Variants in PTPRN2 observed in about 807,000 individuals in gnomAD.
PTPRN2 encodes protein tyrosine phosphatase receptor type N2, also known as receptor-type tyrosine-protein phosphatase N2.
PTPRN2 carries 74 observed loss-of-function variants against 118.8 expected under a neutral mutation model. The ratio of observed to expected loss-of-function variants is 0.62; its 90% CI spans 0.52 to 0.76. The LOEUF is 0.76. Ranked by LOEUF, PTPRN2 falls within the 30% of genes least tolerant of loss-of-function variation. The pLI, the probability that PTPRN2 is intolerant of heterozygous loss-of-function variation, is 0.00. For missense variants in PTPRN2, 1,481 were observed against 1,394.4 expected (o/e 1.06, Z -0.99); for synonymous variants, 641 against 608.0 (o/e 1.05, Z -0.80).
rs1462746372 is a variant in PTPRN2 at position 158,235,945 on chromosome 7, G to A, written c.278-30672C>T. ...CCTCCACAACAAGCAGGAAGCAGCC[G>A]GTGTGACCACACCTCCCAAAACCAC... On this transcript the variant is annotated intron_variant, in intron 3 of 22. Transcript: ENST00000389418. 3.9e-5 allele frequency among the ~76,000 whole-genome samples: 6 copies of A among 152,096 alleles called. No homozygotes were observed. The South Asian group carries it at 8.3e-4, about 21-fold the overall frequency.
chr7:157,953,742 G>A lies in PTPRN2; in HGVS notation c.1724-55005C>T, dbSNP rs1032437410. Among the ~76,000 whole-genome samples the A allele has an allele frequency of 6.6e-6, 1 of 152,170 alleles. No homozygotes were observed. Among genetic ancestry groups the A allele is most frequent in the African/African-American group, 2.4e-5 (1 of 41,434 alleles). On this transcript the variant is annotated intron_variant, in intron 11 of 22. Coordinates refer to ENST00000389418, the MANE Select transcript of PTPRN2 (RefSeq NM_002847.5). This position sits in a 1 kb window ranked among gnomAD's most constrained non-coding sequence, Gnocchi z 4.6. ...TGAGGACTCAGACCCGGGGCAGCTG[G>A]TGGAAGCTGGGGTTAAGAGTGGAAT...
chr7:158,327,209 TCAAA>T (rs1318511687), intron 2 of PTPRN2, among the ~76,000 whole-genome samples: 41 of 148,454 alleles, frequency 2.8e-4, no homozygotes, highest in East Asian at 1.0e-3. Context: ...GCACACATTC[TCAAA>T]CACACACGTA....
chr7:158,070,735 G>T (rs1273067619), intron 11 of PTPRN2, among the ~76,000 whole-genome samples: 1 of 116,206 alleles, frequency 8.6e-6, no homozygotes, highest in Non-Finnish European at 1.7e-5. Context: ...GGAGGTGCCC[G>T]TGGTGGTGGA....
intron 20 of PTPRN2, among the ~76,000 whole-genome samples, chr7:157,570,385 C>T (rs903569629): frequency 6.6e-6 from 1 of 152,248 alleles, no homozygotes; most frequent in South Asian, 2.1e-4. Flanking sequence ...CTATTTTCAT[C>T]CTCCTCTCTC....
intron 14 of PTPRN2, among the ~76,000 whole-genome samples, chr7:157,630,043 G>A (rs1199241253): frequency 2.0e-5 from 3 of 152,160 alleles, no homozygotes; most frequent in Non-Finnish European, 4.4e-5. Flanking sequence ...AAATATTCAT[G>A]TTAAATTTTT....
At chr7:157,978,697 G>T (rs972099952) in intron 11 of PTPRN2, among the ~76,000 whole-genome samples, 2 of 151,896 alleles carry the variant, frequency 1.3e-5, no homozygotes, top group Non-Finnish European at 2.9e-5. Flanking sequence ...CTGAACAAGA[G>T]TCCTCAGCTC....
intron 9 of PTPRN2, among the ~76,000 whole-genome samples, chr7:158,111,184 G>C (rs1398829295): frequency 6.6e-6 from 1 of 152,238 alleles, no homozygotes; most frequent in African/African-American, 2.4e-5. Context: ...ATACAATAAA[G>C]GGGAGAAGGG....
chr7:157,842,134 C>G (rs1327930565), intron 12 of PTPRN2, among the ~76,000 whole-genome samples: 1 of 152,144 alleles, frequency 6.6e-6, no homozygotes, highest in Non-Finnish European at 1.5e-5. Flanking sequence ...GGTCCCCAAC[C>G]CATACACAAC....
At chr7:158,460,474 C>A (rs113094552) in intron 2 of PTPRN2, among the ~76,000 whole-genome samples, 1 of 127,532 alleles carries the variant, frequency 7.8e-6, no homozygotes, top group Non-Finnish European at 1.7e-5. Context: ...TGTGCCAAGA[C>A]CACAGGAGGG....
rs1157923544 is a variant in PTPRN2 at position 157,656,432 on chromosome 7, T to G, written c.2121A>C (p.Ala707=). 5 of 1,554,002 alleles carry G rather than the reference T, an allele frequency of 3.2e-6. No homozygotes were observed. Among genetic ancestry groups the G allele is most frequent in the Non-Finnish European group, 4.4e-6 (5 of 1,148,966 alleles). The part of the protein sequence containing the change: ...FSDGPIPSPS[A]RSSASSWSEE... ...CGGACCAGGATGAGGCGCTGCTGCG[T>G]GCGGAGGGGCTGGGGATCGGCCCGT... Residue 707 remains alanine, a synonymous_variant, in exon 14 of 23, where the codon GCA becomes GCC. Coordinates refer to ENST00000389418, the MANE Select transcript of PTPRN2 (RefSeq NM_002847.5).
At chr7:157,937,943 G>A (rs556144969) in intron 11 of PTPRN2, among the ~76,000 whole-genome samples, 1 of 143,014 alleles carries the variant, frequency 7.0e-6, no homozygotes, top group South Asian at 2.2e-4. Context: ...CTCTCTCTCT[G>A]TTGTTTTATT....
At chr7:157,571,291 G>T in intron 20 of PTPRN2, 149 bp downstream of exon 20, 3 of 518,828 alleles carry the variant, frequency 5.8e-6, no homozygotes, top group Non-Finnish European at 1.0e-5. Flanking sequence ...AAATGGCATA[G>T]AAAAGTAAGT....
At chr7:158,532,596 T>G in intron 1 of PTPRN2, 1 of 424,854 alleles carries the variant, frequency 2.4e-6, no homozygotes, top group African/African-American at 2.2e-5. Context: ...GGAAAAAACA[T>G]GGGTAAAAAG....
intron 11 of PTPRN2, among the ~76,000 whole-genome samples, chr7:158,039,737 C>G (rs1201838544): frequency 6.6e-6 from 1 of 152,020 alleles, no homozygotes; most frequent in African/African-American, 2.4e-5. Context: ...AAATTACAAG[C>G]CATGCTAAAA....
intron 11 of PTPRN2, among the ~76,000 whole-genome samples, chr7:157,994,060 G>C (rs150638976): frequency 6.6e-6 from 1 of 152,344 alleles, no homozygotes; most frequent in East Asian, 1.9e-4. Flanking sequence ...TCAGTGACCA[G>C]TGTGTTGGGT....
intron 11 of PTPRN2, among the ~76,000 whole-genome samples, chr7:158,019,279 A>G (rs1333973010): frequency 6.6e-6 from 1 of 152,254 alleles, no homozygotes; most frequent in African/African-American, 2.4e-5. Flanking sequence ...AATGATATTT[A>G]TTTTGTTTCA....
intron 2 of PTPRN2, among the ~76,000 whole-genome samples, chr7:158,404,485 A>C (rs1228142008): frequency 6.6e-6 from 1 of 152,140 alleles, no homozygotes; most frequent in Non-Finnish European, 1.5e-5. Flanking sequence ...GGATGAAGAC[A>C]CCAGGACCCG....
rs539274811 is a variant in PTPRN2, at chr7:158,407,145, G to A, written c.163+82590C>T. On this transcript the variant is annotated intron_variant, in intron 2 of 22. Transcript: ENST00000389418. ...CTGGGTCCTGGGTCCTGCGTCCTGC[G>A]TCCTGGGTCCTGGGTCCTGGGTCCT... Among the ~76,000 whole-genome samples the A allele has an allele frequency of 1.3e-3, 156 of 119,364 alleles. 2 individuals carry two copies. The highest frequency in any genetic ancestry group is 3.8e-3 in the African/African-American group (133 of 34,860). The allele number at this position is 119,364 out of a possible 152,430, so 78.3% of individuals were successfully genotyped here.
At chr7:157,856,572 C>T (rs1563177234) in intron 12 of PTPRN2, among the ~76,000 whole-genome samples, 1 of 152,222 alleles carries the variant, frequency 6.6e-6, no homozygotes, top group African/African-American at 2.4e-5. Context: ...TTTCTCCTGG[C>T]TTTATTACAA....
Sources: allele counts gnomAD v4.1 joint callset (sites outside exome capture counted in the v4.1 genomes callset), GRCh38; gene constraint gnomAD v4.1.1; non-coding constraint Gnocchi (gnomAD v3.1); transcripts MANE v1.5; gene names NCBI Gene and HGNC (gene_info 2026-07-23, HGNC 2026-07-21).